TENM2: variants seen among roughly 807,000 people sequenced by gnomAD.
TENM2 encodes the protein teneurin transmembrane protein 2.
In TENM2, 52 loss-of-function variants were observed where a neutral mutation model predicts 245.2. That is an observed-to-expected ratio of 0.21 (90% CI 0.17 to 0.27). TENM2 has a LOEUF of 0.27. Ranked by LOEUF, TENM2 falls within the 10% of genes least tolerant of loss-of-function variation. TENM2 has a pLI of 1.00. For missense variants in TENM2, 3,046 were observed against 3,666.8 expected (o/e 0.83, Z 4.37); for synonymous variants, 1,363 against 1,438.9 (o/e 0.95, Z 1.19).
chr5:167,250,331 G>GA, the TENM2 span, among the ~76,000 whole-genome samples: 5 of 151,474 alleles, frequency 3.3e-5, no homozygotes, highest in East Asian at 1.9e-4. Flanking sequence ...ATAAAAAGAC[G>GA]AAAAAAACAG....
the TENM2 span, among the ~76,000 whole-genome samples, chr5:167,277,957 C>T: frequency 6.9e-6 from 1 of 145,604 alleles, no homozygotes; most frequent in Non-Finnish European, 1.5e-5. Context: ...TTGCATGATA[C>T]CTTTTTGTTT....
At chr5:167,790,536 C>T (rs150412668) in intron 2 of TENM2, among the ~76,000 whole-genome samples, 7 of 152,184 alleles carry the variant, frequency 4.6e-5, no homozygotes, top group Admixed American at 1.3e-4. Flanking sequence ...TAGTCCATGC[C>T]GAAAAGCAAA....
At chr5:168,245,637 T>C (rs1041524283) in intron 26 of TENM2, among the ~76,000 whole-genome samples, 6 of 151,058 alleles carry the variant, frequency 4.0e-5, no homozygotes, top group African/African-American at 1.5e-4. Flanking sequence ...GCCCTGGCCA[T>C]GTAGTCATTA....
At chr5:167,792,185 T>C (rs911506736) in intron 2 of TENM2, among the ~76,000 whole-genome samples, 9 of 152,128 alleles carry the variant, frequency 5.9e-5, no homozygotes, top group Admixed American at 1.3e-4. Flanking sequence ...CTGCAAACCA[T>C]GCCTTAAGTA....
At chr5:167,355,814 G>A (rs73367458) in intron 1 of TENM2, among the ~76,000 whole-genome samples, 3,956 of 151,528 alleles carry the variant, frequency 0.026, 173 homozygotes, top group African/African-American at 0.09. Flanking sequence ...GAGCAGTTTT[G>A]CTGAGAAAAG....
chr5:168,148,155 C>T (rs922984587), intron 12 of TENM2, among the ~76,000 whole-genome samples: 5 of 152,340 alleles, frequency 3.3e-5, no homozygotes, highest in African/African-American at 9.6e-5. Flanking sequence ...CTCCCATTCA[C>T]TGTTCAATTA....
At chr5:167,887,708 A>G (rs181317600) in intron 3 of TENM2, among the ~76,000 whole-genome samples, 1 of 152,326 alleles carries the variant, frequency 6.6e-6, no homozygotes, top group Admixed American at 6.5e-5. Context: ...TGTAGGGTAC[A>G]GCTACAATCC....
At chr5:167,708,378 G>A (rs2150473147) in intron 2 of TENM2, among the ~76,000 whole-genome samples, 1 of 152,236 alleles carries the variant, frequency 6.6e-6, no homozygotes, top group African/African-American at 2.4e-5. Context: ...GCACCATATA[G>A]ATGGCAGATA....
chr5:168,073,604 G>T (rs1466880105), intron 7 of TENM2, among the ~76,000 whole-genome samples: 2 of 152,190 alleles, frequency 1.3e-5, no homozygotes. Context: ...GTGTTGAGTT[G>T]TTGCATATTT....
chr5:168,090,878 C>A, intron 8 of TENM2, 109 bp downstream of exon 10: 3 of 947,246 alleles, frequency 3.2e-6, no homozygotes, highest in African/African-American at 1.6e-5. Flanking sequence ...CAGATGACAA[C>A]CAACCAGGAT....
intron 12 of TENM2, among the ~76,000 whole-genome samples, chr5:168,142,012 C>T (rs529736873): frequency 2.6e-5 from 4 of 152,328 alleles, no homozygotes; most frequent in South Asian, 2.1e-4. Flanking sequence ...AGAGAAGACA[C>T]ATATCCCCAG....
At chr5:167,749,397 T>A (rs1386402969) in intron 2 of TENM2, among the ~76,000 whole-genome samples, 1 of 152,074 alleles carries the variant, frequency 6.6e-6, no homozygotes, top group Non-Finnish European at 1.5e-5. Flanking sequence ...TTCAGCACTT[T>A]GGGAGGCCGA....
chr5:167,817,118 T>A (rs1182325586), intron 2 of TENM2, among the ~76,000 whole-genome samples: 2 of 152,178 alleles, frequency 1.3e-5, no homozygotes, highest in Admixed American at 6.5e-5. Flanking sequence ...TGTTCAGGTG[T>A]TTTGACAGGA....
At chr5:167,661,289 A>G (rs2150322250) in intron 2 of TENM2, among the ~76,000 whole-genome samples, 1 of 152,330 alleles carries the variant, frequency 6.6e-6, no homozygotes, top group Non-Finnish European at 1.5e-5. Context: ...ATCAGATCAT[A>G]TACAACATTT....
intron 2 of TENM2, among the ~76,000 whole-genome samples, chr5:167,838,002 C>T (rs1769162002): frequency 6.6e-6 from 1 of 152,188 alleles, no homozygotes; most frequent in East Asian, 1.9e-4. Flanking sequence ...TGTGCATCCC[C>T]ACCTGGTTTA....
At chr5:167,293,817 G>A (rs374586651) in intron 1 of TENM2, among the ~76,000 whole-genome samples, 21 of 151,968 alleles carry the variant, frequency 1.4e-4, no homozygotes, top group East Asian at 7.7e-4. Context: ...CTATGCAAAG[G>A]GTAGCACCAG....
chr5:168,168,140 A>G (rs1758471513), intron 13 of TENM2, among the ~76,000 whole-genome samples: 1 of 152,184 alleles, frequency 6.6e-6, no homozygotes. Context: ...GTTCTGATTT[A>G]TTAGTCAGAC....
chr5:167,667,027 A>G (rs1755622662), intron 2 of TENM2, among the ~76,000 whole-genome samples: 1 of 152,198 alleles, frequency 6.6e-6, no homozygotes, highest in Admixed American at 6.5e-5. Flanking sequence ...GCTCCCTGTA[A>G]ATAATGTAAG....
chr5:167,549,716 A>G (rs1772808025), intron 2 of TENM2, among the ~76,000 whole-genome samples: 1 of 152,178 alleles, frequency 6.6e-6, no homozygotes, highest in Non-Finnish European at 1.5e-5. Flanking sequence ...AGGTTATTTT[A>G]TCATACACAG....
Sources: allele counts gnomAD v4.1 joint callset (sites outside exome capture counted in the v4.1 genomes callset), GRCh38; gene constraint gnomAD v4.1.1; transcripts MANE v1.5; gene names NCBI Gene and HGNC (gene_info 2026-07-23, HGNC 2026-07-21).